SYT1: variants seen among roughly 807,000 people sequenced by gnomAD.
The protein encoded by SYT1 is synaptotagmin-1.
A neutral mutation model predicts 44.8 loss-of-function variants in SYT1; 8 were observed. The observed-to-expected ratio is 0.18, with a 90% CI of 0.10 to 0.32. The LOEUF (loss-of-function observed/expected upper bound fraction) is 0.32, where lower values mean the gene tolerates loss of function less well. SYT1 is among the 10% of genes least tolerant of loss of function. The pLI, the probability that SYT1 is intolerant of heterozygous loss-of-function variation, is 1.00. For missense variants in SYT1, 286 were observed against 509.3 expected, an observed-to-expected ratio of 0.56 and a Z score of 4.22; for synonymous variants, 154 against 188.8, an observed-to-expected ratio of 0.82 and a Z score of 1.51.
chr12:79,159,163 C>G (rs1405657218), intron 3 of SYT1, among the ~76,000 whole-genome samples: 1 of 152,094 alleles, frequency 6.6e-6, no homozygotes, highest in Non-Finnish European at 1.5e-5. Context: ...GTTTCCAAAG[C>G]AAGGAAAGAG....
intron 3 of SYT1, among the ~76,000 whole-genome samples, chr12:79,135,795 C>T (rs1869152628): frequency 6.6e-6 from 1 of 152,180 alleles, no homozygotes; most frequent in African/African-American, 2.4e-5. Flanking sequence ...TGAATGCGTG[C>T]TTTTTCTCTT....
At chr12:79,101,556 AT>A (rs989191667) in intron 3 of SYT1, among the ~76,000 whole-genome samples, 28 of 152,304 alleles carry the variant, frequency 1.8e-4, no homozygotes, top group Non-Finnish European at 3.2e-4. Context: ...TACAATGTGA[AT>A]GTAGTTAATG....
intron 9 of SYT1, among the ~76,000 whole-genome samples, chr12:79,429,237 C>T (rs1188899776): frequency 3.9e-5 from 6 of 152,084 alleles, no homozygotes; most frequent in African/African-American, 7.2e-5. Flanking sequence ...AACGGAGTCT[C>T]GCTCTGTTGC....
chr12:79,337,102 C>T (rs1882126400), intron 8 of SYT1, among the ~76,000 whole-genome samples: 1 of 152,064 alleles, frequency 6.6e-6, no homozygotes, highest in African/African-American at 2.4e-5. Context: ...CCTTGGCTCA[C>T]AGATAGATTG....
chr12:78,872,524 T>C (rs1873876692), intron 1 of SYT1, among the ~76,000 whole-genome samples: 1 of 151,862 alleles, frequency 6.6e-6, no homozygotes, highest in Non-Finnish European at 1.5e-5. Context: ...TCTCTGGTTA[T>C]AAGAATGATA....
chr12:78,867,022 A>G (rs1234047030), intron 1 of SYT1, among the ~76,000 whole-genome samples: 4 of 151,516 alleles, frequency 2.6e-5, no homozygotes, highest in Non-Finnish European at 5.9e-5. Context: ...CAAGTCACGA[A>G]AAACGATTTT....
At chr12:79,229,400 A>G (rs547581813) in intron 4 of SYT1, among the ~76,000 whole-genome samples, 4 of 152,338 alleles carry the variant, frequency 2.6e-5, no homozygotes, top group East Asian at 1.9e-4. Flanking sequence ...GCAGTATTAC[A>G]TAGATACTTA....
chr12:78,881,530 AAG>A (rs1254974151), intron 1 of SYT1, among the ~76,000 whole-genome samples: 2 of 151,758 alleles, frequency 1.3e-5, no homozygotes, highest in Non-Finnish European at 2.9e-5. Context: ...GTTGAATAAA[AAG>A]AGAATGAGTA....
intron 4 of SYT1, among the ~76,000 whole-genome samples, chr12:79,272,432 A>G (rs1878480248): frequency 6.6e-6 from 1 of 152,240 alleles, no homozygotes; most frequent in African/African-American, 2.4e-5. Context: ...ACATAAAAGA[A>G]GAGTAAAACA....
At chr12:79,247,787 A>G (rs1347908728) in intron 4 of SYT1, among the ~76,000 whole-genome samples, 1 of 152,198 alleles carries the variant, frequency 6.6e-6, no homozygotes, top group Non-Finnish European at 1.5e-5. Context: ...AAACAAAAAA[A>G]AAATAAGAGT....
intron 1 of SYT1, among the ~76,000 whole-genome samples, chr12:78,904,385 T>G (rs1274845732): frequency 6.6e-6 from 1 of 152,134 alleles, no homozygotes; most frequent in East Asian, 1.9e-4. Flanking sequence ...AATTTGAATT[T>G]TTTAGTAAGT....
At chr12:79,222,759 T>A (rs911748424) in intron 4 of SYT1, among the ~76,000 whole-genome samples, 6 of 152,198 alleles carry the variant, frequency 3.9e-5, no homozygotes, top group African/African-American at 4.8e-5. Flanking sequence ...GCTCTGTTGA[T>A]GCTGTCCCAT....
intron 1 of SYT1, among the ~76,000 whole-genome samples, chr12:78,934,252 T>C (rs1472805647): frequency 6.6e-6 from 1 of 151,842 alleles, no homozygotes; most frequent in Non-Finnish European, 1.5e-5. Flanking sequence ...ATAACCGTCA[T>C]GTGTCAAGGA....
chr12:78,890,469 C>CA (rs1171621979), intron 1 of SYT1, among the ~76,000 whole-genome samples: 1 of 151,880 alleles, frequency 6.6e-6, no homozygotes, highest in African/African-American at 2.4e-5. Flanking sequence ...AGCACACCAA[C>CA]AAGGCACTTG....
At chr12:79,348,994 A>AGAAGGAAG (rs1565919717) in intron 8 of SYT1, among the ~76,000 whole-genome samples, 3 of 80,500 alleles carry the variant, frequency 3.7e-5, no homozygotes, top group African/African-American at 1.6e-4. Context: ...AAAGAAAGAG[A>AGAAGGAAG]GAAGGAAAGA....
chr12:79,091,441 A>G (rs1877770018), intron 3 of SYT1, among the ~76,000 whole-genome samples: 1 of 152,070 alleles, frequency 6.6e-6, no homozygotes, highest in African/African-American at 2.4e-5. Context: ...CATATAAACT[A>G]GTTCTGAGTC....
At chr12:78,888,062 T>C (rs1241563366) in intron 1 of SYT1, among the ~76,000 whole-genome samples, 1 of 151,842 alleles carries the variant, frequency 6.6e-6, no homozygotes, top group African/African-American at 2.4e-5. Context: ...CATGAGAAAA[T>C]TAAGATGTGT....
At chr12:79,029,053 A>T (rs932097377) in intron 2 of SYT1, among the ~76,000 whole-genome samples, 1 of 151,298 alleles carries the variant, frequency 6.6e-6, no homozygotes, top group East Asian at 1.9e-4. Flanking sequence ...ATGCAGAAAT[A>T]TGTACAAGAT....
At chr12:79,411,250 A>G (rs961502323) in intron 9 of SYT1, among the ~76,000 whole-genome samples, 1 of 152,146 alleles carries the variant, frequency 6.6e-6, no homozygotes, top group East Asian at 1.9e-4. Context: ...GCTCCAGACA[A>G]TGAAGAGAAA....
Sources: gnomAD v4.1 joint callset for allele counts (sites outside exome capture counted in the v4.1 genomes callset) on GRCh38, gnomAD v4.1.1 for gene constraint, MANE v1.5 for transcripts, NCBI Gene and HGNC (gene_info 2026-07-23, HGNC 2026-07-21) for gene names.